Variants in GNB1 observed in about 807,000 individuals in gnomAD.
GNB1 encodes G protein subunit beta 1.
GNB1 carries 2 observed loss-of-function variants against 42.9 expected under a neutral mutation model. The ratio of observed to expected loss-of-function variants is 0.05; its 90% CI spans 0.02 to 0.15. GNB1 has a LOEUF of 0.15. Among genes scored for constraint, GNB1 ranks in the 10% least tolerant of loss-of-function variants. GNB1 has a pLI of 1.00. For synonymous variants in GNB1, 183 were observed against 174.7 expected, an observed-to-expected ratio of 1.05 and a Z score of -0.38; for missense variants, 193 against 462.2, an observed-to-expected ratio of 0.42 and a Z score of 5.34.
At chr1:1,889,549 G>A (rs1210363214) in intron 1 of GNB1, among the ~76,000 whole-genome samples, 1 of 151,904 alleles carries the variant, frequency 6.6e-6, no homozygotes. Context: ...CGGTGGCTAA[G>A]GCCGCTAATC....
At chr1:1,869,012 G>A (rs982814810) in intron 1 of GNB1, among the ~76,000 whole-genome samples, 16 of 150,498 alleles carry the variant, frequency 1.1e-4, no homozygotes, top group African/African-American at 3.7e-4. Flanking sequence ...GTGAAACCCC[G>A]TCTCTACTAA....
intron 1 of GNB1, among the ~76,000 whole-genome samples, chr1:1,849,723 G>A (rs1647877273): frequency 6.6e-6 from 1 of 151,960 alleles, no homozygotes. Flanking sequence ...TTTTTTTCTG[G>A]CTACATTCAA....
chr1:1,889,306 G>A (rs1008777065), intron 1 of GNB1, among the ~76,000 whole-genome samples: 3 of 152,064 alleles, frequency 2.0e-5, no homozygotes, highest in African/African-American at 7.3e-5. Context: ...TACTATTTGA[G>A]ACTAATGTTA....
intron 10 of GNB1, 185 bp downstream of exon 10, chr1:1,788,868 C>T (rs1299777166): frequency 1.7e-6 from 1 of 572,602 alleles, no homozygotes. Flanking sequence ...TCTGCTGGTA[C>T]TCCTCGGAGT....
chr1:1,830,059 A>C (rs1647054795), intron 2 of GNB1, among the ~76,000 whole-genome samples: 1 of 151,610 alleles, frequency 6.6e-6, no homozygotes, highest in Admixed American at 6.6e-5. Flanking sequence ...TTTTCTACAC[A>C]CACCAGATGT....
chr1:1,823,586 A>G (rs1321820013), intron 3 of GNB1, among the ~76,000 whole-genome samples: 1 of 152,230 alleles, frequency 6.6e-6, no homozygotes, highest in East Asian at 1.9e-4. Context: ...AGAGCAAACT[A>G]TTAAAAAAAT....
chr1:1,838,075 C>G (rs965394360), intron 2 of GNB1, among the ~76,000 whole-genome samples: 1 of 151,840 alleles, frequency 6.6e-6, no homozygotes, highest in Admixed American at 6.6e-5. Flanking sequence ...TGGTGGTGAG[C>G]GCCTGTAATC....
chr1:1,829,857 G>T (rs955985434), intron 2 of GNB1, among the ~76,000 whole-genome samples: 5 of 152,000 alleles, frequency 3.3e-5, no homozygotes, highest in Admixed American at 2.6e-4. Context: ...TTTTGCCTCA[G>T]CCTCCCGAGT....
intron 1 of GNB1, among the ~76,000 whole-genome samples, chr1:1,866,677 G>A (rs1440350837): frequency 2.6e-5 from 4 of 152,096 alleles, no homozygotes; most frequent in Non-Finnish European, 4.4e-5. Context: ...CAATGTGGCC[G>A]GGCGCGGTGG....
At chr1:1,841,440 A>G (rs1203273111) in intron 1 of GNB1, among the ~76,000 whole-genome samples, 2 of 152,196 alleles carry the variant, frequency 1.3e-5, no homozygotes, top group Non-Finnish European at 2.9e-5. Context: ...TCAGCCTCCG[A>G]AAGTGTTGGG....
At chr1:1,793,432 C>A in intron 7 of GNB1, 121 bp from the exon 8 acceptor site, 1 of 631,214 alleles carries the variant, frequency 1.6e-6, no homozygotes, top group Non-Finnish European at 3.0e-6. Context: ...CAGCACCATG[C>A]TAGTGACCTT....
chr1:1,842,154 G>A (rs1014680628), intron 1 of GNB1, among the ~76,000 whole-genome samples: 1 of 151,806 alleles, frequency 6.6e-6, no homozygotes, highest in Non-Finnish European at 1.5e-5. Context: ...AAAATTGCCA[G>A]GCACGGTGGC....
At chr1:1,804,678 T>G (rs1249430660) in intron 6 of GNB1, 97 bp from the exon 7 acceptor site, 1 of 932,616 alleles carries the variant, frequency 1.1e-6, no homozygotes, top group Non-Finnish European at 1.6e-6. Flanking sequence ...GCAAAGGAGG[T>G]AACAGAACAA....
intron 1 of GNB1, among the ~76,000 whole-genome samples, chr1:1,846,423 C>G (rs1395317171): frequency 3.3e-5 from 5 of 152,050 alleles, no homozygotes; most frequent in Non-Finnish European, 5.9e-5. Flanking sequence ...AAAAATTAGC[C>G]AGGCGTGGTG....
chr1:1,860,017 T>C (rs1287690643), intron 1 of GNB1, among the ~76,000 whole-genome samples: 2 of 152,048 alleles, frequency 1.3e-5, no homozygotes, highest in African/African-American at 2.4e-5. Context: ...GTAACAAACC[T>C]GCACGTTGTG....
chr1:1,785,904 C>G lies in GNB1; in HGVS notation c.*1159G>C, dbSNP rs1287522409. 1 of 398,508 alleles carries G rather than the reference C, an allele frequency of 2.5e-6. No homozygotes were observed. The highest frequency in any genetic ancestry group is 2.1e-5 in the African/African-American group (1 of 48,492). 24.7% of individuals were successfully genotyped at this position (398,508 alleles called of 1,614,324 possible). A position where few individuals can be genotyped will look rare whatever the true frequency, so the allele number is the denominator to read the frequency against. On this transcript the variant is annotated 3_prime_UTR_variant, in exon 12 of 12. Transcript: ENST00000378609. ...GCTTCCGATATGTGCCACAGAGCAG[C>G]AACGAGAAGTGGACAGAGCCGCAAT...
intron 5 of GNB1, among the ~76,000 whole-genome samples, chr1:1,809,871 G>A (rs1027740603): frequency 7.2e-5 from 11 of 152,126 alleles, no homozygotes; most frequent in Admixed American, 6.5e-4. Context: ...CAAGGGCCAG[G>A]AAGCAAGCTA....
At chr1:1,882,218 G>A (rs754326973) in intron 1 of GNB1, among the ~76,000 whole-genome samples, 1 of 152,094 alleles carries the variant, frequency 6.6e-6, no homozygotes, top group Non-Finnish European at 1.5e-5. Flanking sequence ...GGAGGCCAAG[G>A]AGTTCAAGAG....
At chr1:1,820,446 C>T (rs930715047) in intron 3 of GNB1, among the ~76,000 whole-genome samples, 3 of 149,928 alleles carry the variant, frequency 2.0e-5, no homozygotes, top group African/African-American at 7.4e-5. Context: ...TTTAGTTAAG[C>T]TCTTTATTGG....
Sources: allele counts gnomAD v4.1 joint callset (sites outside exome capture counted in the v4.1 genomes callset), GRCh38; gene constraint gnomAD v4.1.1; transcripts MANE v1.5; gene names NCBI Gene and HGNC (gene_info 2026-07-23, HGNC 2026-07-21).